The following PIGN variants were observed in gnomAD, a reference collection of about 807,000 sequenced individuals.
The protein encoded by PIGN is phosphatidylinositol glycan anchor biosynthesis class N.
Under a neutral mutation model 125.4 loss-of-function variants are expected in PIGN, and 117 were observed. The ratio of observed to expected loss-of-function variants is 0.93; its 90% confidence interval spans 0.80 to 1.09. PIGN has a LOEUF of 1.09. PIGN is among the 50% of genes least tolerant of loss of function. The pLI is 0.00. For synonymous variants in PIGN, 392 were observed against 377.8 expected, an observed-to-expected ratio of 1.04 and a Z score of -0.44; for missense variants, 1,075 against 1,094.9, an observed-to-expected ratio of 0.98 and a Z score of 0.26.
At chr18:62,126,558 T>C (rs1408989712) in intron 14 of PIGN, among the ~76,000 whole-genome samples, 1 of 152,164 alleles carries the variant, frequency 6.6e-6, no homozygotes, top group African/African-American at 2.4e-5. Context: ...TCATCATGTA[T>C]TGAAAATCTA....
chr18:62,107,835 G>C (rs1174855363), intron 17 of PIGN, among the ~76,000 whole-genome samples: 1 of 152,048 alleles, frequency 6.6e-6, no homozygotes, highest in East Asian at 1.9e-4. Flanking sequence ...TCTAGTTAGA[G>C]AAAAATCTTA....
intron 28 of PIGN, among the ~76,000 whole-genome samples, chr18:62,082,182 T>C (rs2033478787): frequency 6.6e-6 from 1 of 152,168 alleles, no homozygotes; most frequent in Non-Finnish European, 1.5e-5. Context: ...GAATACTTCC[T>C]ACTCCATTTG....
At chr18:62,117,546 C>T (rs568154281) in intron 14 of PIGN, among the ~76,000 whole-genome samples, 21 of 126,068 alleles carry the variant, frequency 1.7e-4, no homozygotes, top group East Asian at 6.8e-4. Flanking sequence ...ATTCCTCAGC[C>T]CCCCCCTCTA....
At chr18:62,147,516 T>A (rs539382002) in intron 8 of PIGN, among the ~76,000 whole-genome samples, 45 of 152,310 alleles carry the variant, frequency 3.0e-4, no homozygotes, top group Admixed American at 1.5e-3. Flanking sequence ...GAACACATTA[T>A]ATTTAAGACT....
intron 14 of PIGN, among the ~76,000 whole-genome samples, chr18:62,135,176 A>G (rs1162775126): frequency 2.0e-5 from 3 of 152,212 alleles, no homozygotes; most frequent in Non-Finnish European, 4.4e-5. Flanking sequence ...TACATTTTGC[A>G]AAGTTAATGC....
At chr18:62,167,644 CAA>C (rs79152816) in intron 1 of PIGN, among the ~76,000 whole-genome samples, 1 of 138,386 alleles carries the variant, frequency 7.2e-6, no homozygotes, top group Non-Finnish European at 1.5e-5. Context: ...AAAAAAAAAA[CAA>C]AAAAAAAACA....
intron 6 of PIGN, among the ~76,000 whole-genome samples, chr18:62,155,333 G>A (rs1041633653): frequency 2.6e-5 from 4 of 152,090 alleles, no homozygotes; most frequent in East Asian, 1.9e-4. Flanking sequence ...TTGGGAGGCC[G>A]AGGCAGGTGG....
At chr18:62,115,320 G>A (rs2035047089) in intron 14 of PIGN, among the ~76,000 whole-genome samples, 1 of 152,116 alleles carries the variant, frequency 6.6e-6, no homozygotes, top group Non-Finnish European at 1.5e-5. Context: ...TTTATGGAAT[G>A]TAGAAATTGA....
In PIGN at chr18:62,085,509, A is replaced by G. The variant is rs17634953; in HGVS notation, c.2371-245T>C. On this transcript the variant is annotated intron_variant, in intron 25 of 30. Transcript: ENST00000640252. ...ATCCTCACTCAGTTCCTAGTAAGTT[A>G]TTTTCCTCTTCCCTAATATGAGCAA... is the stretch of plus-strand genomic sequence containing the variant. Among the ~76,000 whole-genome samples the G allele has an allele frequency of 0.17, 25,717 of 151,924 alleles. 2,935 individuals are homozygous for G. The highest frequency in any genetic ancestry group is 0.28 in the Middle Eastern group (83 of 294).
chr18:62,101,865 T>C (rs2034450178), intron 21 of PIGN, among the ~76,000 whole-genome samples: 1 of 152,280 alleles, frequency 6.6e-6, no homozygotes, highest in South Asian at 2.1e-4. Flanking sequence ...GAAAAAGTTG[T>C]CATTTTATAG....
chr18:62,130,854 A>AGG (rs2035708398), intron 14 of PIGN, among the ~76,000 whole-genome samples: 1 of 152,184 alleles, frequency 6.6e-6, no homozygotes, highest in African/African-American at 2.4e-5. Context: ...TTAAGAGTAT[A>AGG]AAGACAGAGA....
intron 9 of PIGN, 24 bp downstream of exon 9, chr18:62,146,947 C>T (rs754495126): frequency 6.2e-7 from 1 of 1,605,116 alleles, no homozygotes; most frequent in East Asian, 2.2e-5. Flanking sequence ...TTGTAAGGTA[C>T]ATATCAATTA....
intron 14 of PIGN, among the ~76,000 whole-genome samples, chr18:62,120,273 C>T (rs1444348967): frequency 1.3e-5 from 2 of 152,042 alleles, no homozygotes; most frequent in Non-Finnish European, 2.9e-5. Flanking sequence ...GGTCACTGAA[C>T]AGGAATGATG....
chr18:62,151,896 G>C (rs531564096), intron 7 of PIGN, among the ~76,000 whole-genome samples: 1 of 152,248 alleles, frequency 6.6e-6, no homozygotes, highest in Non-Finnish European at 1.5e-5. Context: ...TGTCAACGAA[G>C]AGTCACACTC....
At chr18:62,172,691 G>T (rs2037383075) in intron 1 of PIGN, among the ~76,000 whole-genome samples, 1 of 152,094 alleles carries the variant, frequency 6.6e-6, no homozygotes, top group African/African-American at 2.4e-5. Context: ...ATTTGCCACT[G>T]CACTGCTTTG....
chr18:62,146,957 A>G lies in PIGN; in HGVS notation c.805+14T>C, dbSNP rs777566293. ...TTTAATTGTAAGGTACATATCAATT[A>G]AAGACACACTAACCCCAGTCTGTCA... On this transcript the variant is annotated intron_variant, in intron 9 of 30. Coordinates refer to ENST00000640252, the MANE Select transcript of PIGN (RefSeq NM_176787.5). The G allele has an allele frequency of 1.9e-6, 3 of 1,609,840 alleles. No homozygotes were observed. The East Asian group carries it at 6.7e-5, about 36-fold the overall frequency.
At chr18:62,139,100 T>C (rs779274609) in intron 12 of PIGN, 25 bp from the exon 13 acceptor site, 4 of 1,415,902 alleles carry the variant, frequency 2.8e-6, no homozygotes, top group Non-Finnish European at 2.0e-6. Context: ...CACCAGCTTA[T>C]TGATAGTATT....
At chr18:62,141,037 C>T (rs1301507537) in intron 11 of PIGN, among the ~76,000 whole-genome samples, 1 of 152,158 alleles carries the variant, frequency 6.6e-6, no homozygotes, top group Non-Finnish European at 1.5e-5. Context: ...CCTCACCTTC[C>T]CATCACTCTT....
rs544738831 is a variant in PIGN at position 62,100,531 on chromosome 18, T to C, written c.2077+544A>G. 3.0e-3 allele frequency among the ~76,000 whole-genome samples: 456 copies of C among 152,352 alleles called. 3 individuals are homozygous for C. Among genetic ancestry groups the C allele is most frequent in the Non-Finnish European group, 5.4e-3 (369 of 68,024 alleles). On this transcript the variant is annotated intron_variant, in intron 22 of 30. Transcript: ENST00000640252. ...CTTGAGCTCAAAACTTGCTCTTGTC[T>C]TCCAACTGGAAGGGAAAACCTAAGT...
Sources: allele counts gnomAD v4.1 joint callset (sites outside exome capture counted in the v4.1 genomes callset), GRCh38; gene constraint gnomAD v4.1.1; transcripts MANE v1.5; gene names NCBI Gene and HGNC (gene_info 2026-07-23, HGNC 2026-07-21).